TJP3: variants seen among roughly 807,000 people sequenced by gnomAD.
TJP3 encodes tight junction protein ZO-3.
Under a neutral mutation model 104.2 loss-of-function variants are expected in TJP3, and 85 were observed. That is an observed-to-expected ratio of 0.82 (90% CI 0.68 to 0.98). TJP3 has a LOEUF of 0.98. TJP3 is among the 50% of genes least tolerant of loss of function. The pLI is 0.00. For synonymous variants in TJP3, 550 were observed against 550.6 expected (o/e 1.00, Z 0.02); for missense variants, 1,367 against 1,322.8 (o/e 1.03, Z -0.52).
At chr19:3,750,024 C>T (rs1418585552) in intron 19 of TJP3, 114 bp from the exon 20 acceptor site, 1 of 1,335,612 alleles carries the variant, frequency 7.5e-7, no homozygotes, top group Non-Finnish European at 1.1e-6. Context: ...ACGGGGTTAG[C>T]AAGTGGGCAG....
chr19:3,749,340 T>C (rs1366579566), intron 19 of TJP3, among the ~76,000 whole-genome samples: 1 of 151,966 alleles, frequency 6.6e-6, no homozygotes, highest in Non-Finnish European at 1.5e-5. Context: ...ATTTATATAT[T>C]TTATTTTTTA....
chr19:3,750,080 T>C (rs2145711288), intron 19 of TJP3, 58 bp from the exon 20 acceptor site: 1 of 1,611,462 alleles, frequency 6.2e-7, no homozygotes, highest in Non-Finnish European at 8.5e-7. Context: ...TGGTTATTGA[T>C]CTCGACTCAC....
At chr19:3,726,855 G>A (rs913343173) in intron 1 of TJP3, among the ~76,000 whole-genome samples, 1 of 151,890 alleles carries the variant, frequency 6.6e-6, no homozygotes, top group Non-Finnish European at 1.5e-5. Flanking sequence ...GGAGGCCAAG[G>A]CTGGAGAATC....
intron 1 of TJP3, among the ~76,000 whole-genome samples, chr19:3,711,077 G>A (rs771848719): frequency 2.8e-4 from 20 of 72,080 alleles, no homozygotes; most frequent in Admixed American, 1.8e-4. Context: ...CTAATTTTTT[G>A]TATTTTTAGT....
rs1440369085 is a variant in TJP3, at chr19:3,732,044, G to A, written c.717+6G>A. On this transcript the variant is annotated splice_donor_region_variant and intron_variant, in intron 6 of 20. Coordinates refer to ENST00000541714, the MANE Select transcript of TJP3 (RefSeq NM_001267560.2). ...AAGGAGATCTCATTCTACAGGTGAG[G>A]CCGGGCTTCTTGTCCTGAGAGCAGG... is the stretch of plus-strand genomic sequence containing the variant. The A allele has an allele frequency of 2.5e-6, 4 of 1,609,702 alleles. No individual in the cohort carries two copies. The African/African-American group carries it at 5.3e-5, about 21-fold the overall frequency.
rs779701450 is a variant in TJP3 at position 3,740,603 on chromosome 19, G to A, written c.1683G>A (p.Gly561=). ...CTGCCCAGAGGGCCGTGGGAGTCGG[G>A]CCCGGCTCCTCCGCGGGCTCCAATG... ...LEAAQRAVGV[G]PGSSAGSNAR... The change falls in exon 14 of 21, where the codon GGG becomes GGA. Residue 561 remains glycine, a synonymous_variant. Coordinates refer to ENST00000541714, the MANE Select transcript of TJP3 (RefSeq NM_001267560.2). The A allele has an allele frequency of 1.3e-6, 2 of 1,558,890 alleles. No individual in the cohort carries two copies. The highest frequency in any genetic ancestry group is 2.4e-5 in the South Asian group (2 of 83,528).
chr19:3,713,503 G>A (rs1293062961), intron 1 of TJP3, among the ~76,000 whole-genome samples: 2 of 152,206 alleles, frequency 1.3e-5, no homozygotes, highest in Non-Finnish European at 2.9e-5. Context: ...TACCAGGTGG[G>A]ATCCTGGATG....
chr19:3,746,100 C>A lies in TJP3; in HGVS notation c.2010+19C>A, dbSNP rs776126042. The A allele has an allele frequency of 6.3e-7, 1 of 1,594,446 alleles. No individual in the cohort carries two copies. The highest frequency in any genetic ancestry group is 1.7e-5 in the Admixed American group (1 of 57,348). ...AGAAAAAGTAAGCCGGGTCCTGCTA[C>A]GGGTCCCATTTCATGGATGGGGGAA... On this transcript the variant is annotated intron_variant, in intron 16 of 20. Transcript: ENST00000541714. This position sits in a 1 kb window ranked among gnomAD's most constrained non-coding sequence, Gnocchi z 4.1.
At chr19:3,739,857 G>A (rs935937805) in intron 13 of TJP3, among the ~76,000 whole-genome samples, 3 of 151,802 alleles carry the variant, frequency 2.0e-5, no homozygotes, top group African/African-American at 4.8e-5. Flanking sequence ...TCACCCTCCC[G>A]CCTCTTCTTG....
In TJP3 at chr19:3,747,830, C is replaced by T. The variant is rs2036921088; in HGVS notation, c.2359C>T (p.His787Tyr). The change falls in exon 19 of 21, where the codon CAC (histidine) becomes TAC (tyrosine). Residue 787 changes from histidine (H) to tyrosine (Y), a missense_variant. Transcript: ENST00000541714. ...CTTGGAGGACAACCTAGACCTCCCT[C>T]ACCACGGCCTGGCCGACAGCTCCGC... The part of the protein sequence containing the change: ...GSLEDNLDLP[H>Y]HGLADSSADL... 6.2e-7 allele frequency: 1 copy of T among 1,607,528 alleles called. No homozygotes were observed. Among genetic ancestry groups the T allele is most frequent in the Admixed American group, 1.7e-5 (1 of 59,788 alleles).
In TJP3 at chr19:3,728,676, G is replaced by C; in HGVS notation, c.121G>C (p.Asp41His). 1.2e-6 allele frequency: 2 copies of C among 1,613,836 alleles called. No homozygotes were observed. Among genetic ancestry groups the C allele is most frequent in the Non-Finnish European group, 1.7e-6 (2 of 1,180,000 alleles). ...GCCCGGTGGATCCATGGTTGTATCTGACGTGGTACCTGGAGGGCCGGCGGA... is the reference window on the plus strand; with the variant it reads ...GCCCGGTGGATCCATGGTTGTATCTCACGTGGTACCTGGAGGGCCGGCGGA... ...DRPGGSMVVS[D>H]VVPGGPAEGR... is the part of the protein sequence containing the mutation. The change falls in exon 3 of 21, where the codon GAC becomes CAC. Residue 41 changes from aspartate to histidine, a missense_variant. Coordinates refer to ENST00000541714, the MANE Select transcript of TJP3 (RefSeq NM_001267560.2).
At chr19:3,718,968 G>A (rs1378310796) in intron 1 of TJP3, among the ~76,000 whole-genome samples, 1 of 151,784 alleles carries the variant, frequency 6.6e-6, no homozygotes, top group East Asian at 2.0e-4. Context: ...TGGATCACCT[G>A]AGGTCAGGAG....
In TJP3 at chr19:3,731,673, G is replaced by T. The variant is rs1248680752; in HGVS notation, c.614-262G>T. On this transcript the variant is annotated intron_variant, in intron 5 of 20. Coordinates refer to ENST00000541714, the MANE Select transcript of TJP3 (RefSeq NM_001267560.2). ...AATAAAAAATAAAAATTGAAACAAT[G>T]ATGATGTTATGAGCAATAGAATGCC... Among the ~76,000 whole-genome samples, 5 of 101,410 alleles carry T rather than the reference G, an allele frequency of 4.9e-5. No individual in the cohort carries two copies. The East Asian group carries it at 1.3e-3, about 27-fold the overall frequency. 66.5% of individuals were successfully genotyped at this position (101,410 alleles called of 152,430 possible). A position where few individuals can be genotyped will look rare whatever the true frequency, so the allele number is the denominator to read the frequency against.
At chr19:3,748,159 C>A (rs1038979682) in intron 19 of TJP3, 78 bp downstream of exon 19, 8 of 1,441,008 alleles carry the variant, frequency 5.6e-6, no homozygotes, top group Non-Finnish European at 7.3e-6. Flanking sequence ...ACACTGGGAG[C>A]CTGTTTTCTA....
intron 14 of TJP3, among the ~76,000 whole-genome samples, chr19:3,742,088 T>C (rs575653320): frequency 2.6e-4 from 40 of 152,172 alleles, no homozygotes; most frequent in Middle Eastern, 3.2e-3. Flanking sequence ...GCAAGGCATG[T>C]AGATAGCCTT....
At chr19:3,741,646 C>A in intron 14 of TJP3, among the ~76,000 whole-genome samples, 1 of 121,632 alleles carries the variant, frequency 8.2e-6, no homozygotes, top group African/African-American at 3.1e-5. Context: ...AAAAAAAAAG[C>A]ATGTTTCTAA....
intron 8 of TJP3, among the ~76,000 whole-genome samples, chr19:3,735,311 T>G (rs531811762): frequency 4.6e-5 from 7 of 152,132 alleles, no homozygotes. Flanking sequence ...GCAATTCTCC[T>G]GCCTTAGCCT....
At position 3,743,781 on chromosome 19, in the gene TJP3, T is replaced by A. The variant is rs184497689; in HGVS notation, c.1844-158T>A. 684 of 630,302 alleles carry A rather than the reference T, an allele frequency of 1.1e-3. 1 individual carries two copies. Among genetic ancestry groups the A allele is most frequent in the South Asian group, 2.7e-3 (133 of 49,118 alleles). The allele number at this position is 630,302 out of a possible 1,614,324, so 39.0% of individuals were successfully genotyped here. On this transcript the variant is annotated intron_variant, in intron 14 of 20. Coordinates refer to ENST00000541714, the MANE Select transcript of TJP3 (RefSeq NM_001267560.2). Reference sequence around the variant, plus strand: ...TATTTGGTCATAAGGCTAACCTAGCTGCAAAGGACACTGGGAGATGTAGTA... The same window carrying A: ...TATTTGGTCATAAGGCTAACCTAGCAGCAAAGGACACTGGGAGATGTAGTA...
At chr19:3,731,876 A>G (rs2036675922) in intron 5 of TJP3, 59 bp from the exon 6 acceptor site, 1 of 1,461,140 alleles carries the variant, frequency 6.8e-7, no homozygotes, top group Non-Finnish European at 9.5e-7. Flanking sequence ...CAGCAGGAGA[A>G]TGCTCCCAGG....
Sources: gnomAD v4.1 joint callset for allele counts (sites outside exome capture counted in the v4.1 genomes callset) on GRCh38, gnomAD v4.1.1 for gene constraint, Gnocchi (gnomAD v3.1) non-coding constraint, MANE v1.5 for transcripts, NCBI Gene and HGNC (gene_info 2026-07-23, HGNC 2026-07-21) for gene names.